Variants in IFFO1 observed in about 807,000 individuals in gnomAD.
IFFO1 encodes the protein non-homologous end joining factor IFFO1.
In IFFO1, 42 loss-of-function variants were observed where a neutral mutation model predicts 59.6. That is an observed-to-expected ratio of 0.70 (90% CI 0.55 to 0.91). The LOEUF (loss-of-function observed/expected upper bound fraction) is 0.91, where lower values mean the gene tolerates loss of function less well. Among genes scored for constraint, IFFO1 ranks in the 40% least tolerant of loss-of-function variants. IFFO1 has a pLI of 0.00. For missense variants in IFFO1, 711 were observed against 793.2 expected, an observed-to-expected ratio of 0.90 and a Z score of 1.24; for synonymous variants, 336 against 342.8, an observed-to-expected ratio of 0.98 and a Z score of 0.22.
At chr12:6,551,747 C>T (rs150451063) in intron 1 of IFFO1, 42 of 347,758 alleles carry the variant, frequency 1.2e-4, no homozygotes, top group Non-Finnish European at 2.0e-4. Context: ...GTAAAGGGGC[C>T]CGGTGAGTAC....
chr12:6,548,057 G>T lies in IFFO1; in HGVS notation c.1479+8C>A, dbSNP rs753627495. 1.9e-6 allele frequency: 3 copies of T among 1,608,730 alleles called. No individual in the cohort carries two copies. In the South Asian group the frequency reaches 3.3e-5, roughly 18 times the overall value. On this transcript the variant is annotated splice_region_variant and intron_variant, in intron 8 of 9. Coordinates refer to ENST00000619571, the MANE Select transcript of IFFO1 (RefSeq NM_001193457.2). The surrounding 1 kb of genome is among the most constrained non-coding windows in gnomAD (Gnocchi z 6.1). Reference sequence around the variant, plus strand: ...CACCACGCCCCTGGCTTCCGCTCCTGCCCTTACCTCTATCTGGTCAATGGT... The same window carrying T: ...CACCACGCCCCTGGCTTCCGCTCCTTCCCTTACCTCTATCTGGTCAATGGT...
In IFFO1 at chr12:6,539,829, C is replaced by A. The variant is rs1225747506; in HGVS notation, c.*654G>T. ...GAGAGCAAGAGCTCCCACCTCCCTTCAAAACACTGTGCCCATCCCGGGCAC... is the reference window on the plus strand; with the variant it reads ...GAGAGCAAGAGCTCCCACCTCCCTTAAAAACACTGTGCCCATCCCGGGCAC... On this transcript the variant is annotated 3_prime_UTR_variant, in exon 10 of 10. Transcript: ENST00000619571. The A allele has an allele frequency of 1.9e-5, 3 of 154,682 alleles. No individual in the cohort carries two copies. Among genetic ancestry groups the A allele is most frequent in the Admixed American group, 6.3e-5 (1 of 15,840 alleles). 9.6% of individuals were successfully genotyped at this position (154,682 alleles called of 1,614,324 possible).
chr12:6,552,934 A>C (rs1947294229), intron 1 of IFFO1, among the ~76,000 whole-genome samples: 2 of 152,190 alleles, frequency 1.3e-5, no homozygotes, highest in South Asian at 4.1e-4. Flanking sequence ...CATGGACCAA[A>C]TATCTCTCTT....
In IFFO1 at chr12:6,548,824, A is replaced by C. The variant is rs1438675448; in HGVS notation, c.1106T>G (p.Val369Gly). ...KLSLHLSPIK[V>G]PSMGGRKRER... is the part of the protein sequence containing the mutation. The stretch of plus-strand genomic sequence containing the variant: ...CCGCTTCCGCCCCCCCATGGATGGG[A>C]CCTTAATGGGAGACAAGTGCAGAGA... Residue 369 changes from valine to glycine, a missense_variant, in exon 6 of 10, where the codon GTC (valine) becomes GGC (glycine). This residue lies in a region of IFFO1 where 579 missense variants were observed against 650.3 expected (regional missense o/e 0.89). Transcript: ENST00000619571. The surrounding 1 kb of genome is among the most constrained non-coding windows in gnomAD (Gnocchi z 6.1). The C allele has an allele frequency of 1.2e-6, 2 of 1,612,458 alleles. No individual in the cohort carries two copies. The highest frequency in any genetic ancestry group is 3.3e-5 in the Admixed American group (2 of 59,810).
At chr12:6,540,627 G>C in intron 9 of IFFO1, 39 bp from the exon 10 acceptor site, 1 of 1,555,668 alleles carries the variant, frequency 6.4e-7, no homozygotes, top group South Asian at 1.1e-5. Context: ...GGGGCAGGCA[G>C]GAATCCTGAA....
intron 8 of IFFO1, among the ~76,000 whole-genome samples, chr12:6,545,144 G>C (rs1946893908): frequency 1.3e-5 from 2 of 152,028 alleles, no homozygotes; most frequent in African/African-American, 2.4e-5. Flanking sequence ...GAACCTGGGA[G>C]GTGGAGCTTG....
At position 6,555,427 on chromosome 12, in the gene IFFO1, G is replaced by T; in HGVS notation, c.603C>A (p.His201Gln). 6.2e-7 allele frequency: 1 copy of T among 1,613,960 alleles called. No homozygotes were observed. Among genetic ancestry groups the T allele is most frequent in the Non-Finnish European group, 8.5e-7 (1 of 1,179,912 alleles). The change falls in exon 1 of 10, where the codon CAC becomes CAA. Residue 201 changes from histidine (H) to glutamine (Q), a missense_variant. By Grantham distance (24) the His-to-Gln change is conservative. Coordinates refer to ENST00000619571, the MANE Select transcript of IFFO1 (RefSeq NM_001193457.2). The surrounding 1 kb of genome is among the most constrained non-coding windows in gnomAD (Gnocchi z 8.6). ...CCAGTCCCGGCCCGAGCCGGCGGGCGTGCGAGAACGACCAGATGGTGCCGG... is the reference window on the plus strand; with the variant it reads ...CCAGTCCCGGCCCGAGCCGGCGGGCTTGCGAGAACGACCAGATGGTGCCGG... Reference protein sequence around the residue: ...FMPGTIWSFSHARRLGPGLEP... With the variant: ...FMPGTIWSFSQARRLGPGLEP...
At position 6,548,334 on chromosome 12, in the gene IFFO1, T is replaced by A. The variant is rs1947063599; in HGVS notation, c.1383+91A>T. The A allele has an allele frequency of 6.8e-7, 1 of 1,468,156 alleles. No homozygotes were observed. The highest frequency in any genetic ancestry group is 1.8e-5 in the Admixed American group (1 of 54,394). 90.9% of individuals were successfully genotyped at this position (1,468,156 alleles called of 1,614,324 possible). A position where few individuals can be genotyped will look rare whatever the true frequency, so the allele number is the denominator to read the frequency against. Reference sequence around the variant, plus strand: ...ACGCAGGTAGAGGATGACAGCCACATGGGGGGACAGAGCAAGGAGAGGAGC... The same window carrying A: ...ACGCAGGTAGAGGATGACAGCCACAAGGGGGGACAGAGCAAGGAGAGGAGC... On this transcript the variant is annotated intron_variant, in intron 7 of 9. Transcript: ENST00000619571. The surrounding 1 kb of genome is among the most constrained non-coding windows in gnomAD (Gnocchi z 6.1).
Position 6,548,198 on chromosome 12 carries a change from AGGGAT to A in IFFO1, c.1384-43_1384-39del. ...GGGAAGCGGGGGAGGCCAGCCAAGG[AGGGAT>A]GGGATGGGACGCATTCCAAAGGGCC... On this transcript the variant is annotated intron_variant, in intron 7 of 9. Coordinates refer to ENST00000619571, the MANE Select transcript of IFFO1 (RefSeq NM_001193457.2). The surrounding 1 kb of genome is among the most constrained non-coding windows in gnomAD (Gnocchi z 6.1). 6.4e-7 allele frequency: 1 copy of A among 1,556,414 alleles called. No individual in the cohort carries two copies. Among genetic ancestry groups the A allele is most frequent in the Non-Finnish European group, 8.9e-7 (1 of 1,127,706 alleles).
chr12:6,549,608 C>G lies in IFFO1; in HGVS notation c.1072-124G>C. 3.0e-6 allele frequency: 4 copies of G among 1,353,040 alleles called. No individual in the cohort carries two copies. The highest frequency in any genetic ancestry group is 4.2e-6 in the Non-Finnish European group (4 of 956,032). The allele number at this position is 1,353,040 out of a possible 1,614,324, so 83.8% of individuals were successfully genotyped here. ...CACGATGCCCCTCCTGATGCTGCTC[C>G]TTACCCCCCAGTCTAGCCCCGTGAG... On this transcript the variant is annotated intron_variant, in intron 4 of 9. Coordinates refer to ENST00000619571, the MANE Select transcript of IFFO1 (RefSeq NM_001193457.2). The surrounding 1 kb of genome is among the most constrained non-coding windows in gnomAD (Gnocchi z 5.0).
At chr12:6,550,419 C>T (rs998281031) in intron 3 of IFFO1, 19 of 522,866 alleles carry the variant, frequency 3.6e-5, no homozygotes, top group African/African-American at 1.7e-4. Flanking sequence ...CCCAGCGCCC[C>T]GGCGCCAGCT....
In IFFO1 at chr12:6,540,603, C is replaced by T; in HGVS notation, c.1611-15G>A. On this transcript the variant is annotated splice_polypyrimidine_tract_variant and intron_variant, in intron 9 of 9. Transcript: ENST00000619571. The stretch of plus-strand genomic sequence containing the variant: ...CAGGAGACTTTCTAGAAAAAAACAC[C>T]AGTTGTCAACCTTGGGGCAGGCAGG... The T allele has an allele frequency of 6.2e-7, 1 of 1,607,130 alleles. No homozygotes were observed. The highest frequency in any genetic ancestry group is 8.5e-7 in the Non-Finnish European group (1 of 1,174,500).
At chr12:6,551,383 G>C in intron 1 of IFFO1, 1 of 1,299,790 alleles carries the variant, frequency 7.7e-7, no homozygotes, top group African/African-American at 1.5e-5. Flanking sequence ...AGGTCCACCC[G>C]GCCCAGTCTC....
At position 6,548,351 on chromosome 12, in the gene IFFO1, G is replaced by T; in HGVS notation, c.1383+74C>A. On this transcript the variant is annotated intron_variant, in intron 7 of 9. Transcript: ENST00000619571. This position sits in a 1 kb window ranked among gnomAD's most constrained non-coding sequence, Gnocchi z 6.1. Reference sequence around the variant, plus strand: ...CAGCCACATGGGGGGACAGAGCAAGGAGAGGAGCGGGGGAGTGGGCTTCAG... The same window carrying T: ...CAGCCACATGGGGGGACAGAGCAAGTAGAGGAGCGGGGGAGTGGGCTTCAG... 6.5e-7 allele frequency: 1 copy of T among 1,532,156 alleles called. No homozygotes were observed. Among genetic ancestry groups the T allele is most frequent in the Non-Finnish European group, 8.9e-7 (1 of 1,125,716 alleles). 94.9% of individuals were successfully genotyped at this position (1,532,156 alleles called of 1,614,324 possible).
chr12:6,555,535 G>A lies in IFFO1; in HGVS notation c.495C>T (p.Gly165=), dbSNP rs1375454989. ...VLGSPARSPA[G]PLAPSAASLS... is the part of the protein sequence containing the mutation. ...GGCTGGCCGCGGAGGGCGCGAGGGG[G>A]CCGGCCGGGGAGCGCGCGGGCGAGC... is the stretch of plus-strand genomic sequence containing the variant. Residue 165 remains glycine, a synonymous_variant, in exon 1 of 10, where the codon GGC becomes GGT. Transcript: ENST00000619571. This position sits in a 1 kb window ranked among gnomAD's most constrained non-coding sequence, Gnocchi z 8.6. The A allele has an allele frequency of 7.8e-6, 12 of 1,548,316 alleles. No homozygotes were observed. Among genetic ancestry groups the A allele is most frequent in the Non-Finnish European group, 1.0e-5 (12 of 1,148,952 alleles).
At chr12:6,545,324 A>C (rs1946902704) in intron 8 of IFFO1, among the ~76,000 whole-genome samples, 1 of 152,228 alleles carries the variant, frequency 6.6e-6, no homozygotes, top group Non-Finnish European at 1.5e-5. Context: ...CTTGATCTGA[A>C]AATATTAAAT....
chr12:6,542,460 C>A (rs1946761227), intron 8 of IFFO1, among the ~76,000 whole-genome samples: 1 of 152,184 alleles, frequency 6.6e-6, no homozygotes, highest in South Asian at 2.1e-4. Flanking sequence ...AGGGCAGGGG[C>A]CGCAAGGGGA....
In IFFO1 at chr12:6,549,748, G is replaced by A. The variant is rs750065378; in HGVS notation, c.1071+8C>T. ...ACCCCTGAGAGCAGAGGGCAGCTCC[G>A]TCCTCACCTGGAACATCTGGATCAT... is the stretch of plus-strand genomic sequence containing the variant. On this transcript the variant is annotated splice_region_variant and intron_variant, in intron 4 of 9. Transcript: ENST00000619571. The surrounding 1 kb of genome is among the most constrained non-coding windows in gnomAD (Gnocchi z 5.0). The A allele has an allele frequency of 8.7e-6, 14 of 1,610,184 alleles. No homozygotes were observed. Among genetic ancestry groups the A allele is most frequent in the South Asian group, 3.3e-5 (3 of 90,854 alleles).
At chr12:6,542,042 T>C (rs2136093872) in intron 8 of IFFO1, among the ~76,000 whole-genome samples, 1 of 152,252 alleles carries the variant, frequency 6.6e-6, no homozygotes, top group Non-Finnish European at 1.5e-5. Flanking sequence ...CTCACTGCAC[T>C]GTGAGCTCCC....
Sources: allele counts gnomAD v4.1 joint callset (sites outside exome capture counted in the v4.1 genomes callset), GRCh38; gene constraint gnomAD v4.1.1; regional missense constraint gnomAD v4.1.1; non-coding constraint Gnocchi (gnomAD v3.1); transcripts MANE v1.5; gene names NCBI Gene and HGNC (gene_info 2026-07-23, HGNC 2026-07-21).